The following CD82 variants were observed in gnomAD, a reference collection of about 807,000 sequenced individuals.
The protein encoded by CD82 is CD82 molecule.
A neutral mutation model predicts 37.4 loss-of-function variants in CD82; 36 were observed. The ratio of observed to expected loss-of-function variants is 0.96; its 90% confidence interval spans 0.74 to 1.27. The LOEUF is 1.27. Among genes scored for constraint, CD82 ranks in the 50% most tolerant of loss-of-function variants. The pLI, the probability that CD82 is intolerant of heterozygous loss-of-function variation, is 0.00. For synonymous variants in CD82, 158 were observed against 137.4 expected, an observed-to-expected ratio of 1.15 and a Z score of -1.05; for missense variants, 340 against 347.0, an observed-to-expected ratio of 0.98 and a Z score of 0.16.
intron 4 of CD82, among the ~76,000 whole-genome samples, chr11:44,603,725 G>C (rs1288320732): frequency 6.6e-6 from 1 of 152,188 alleles, no homozygotes; most frequent in African/African-American, 2.4e-5. Flanking sequence ...CCTGTGTGAT[G>C]GGTTGGGTGT....
At chr11:44,575,460 A>G (rs1189439486) in intron 1 of CD82, among the ~76,000 whole-genome samples, 1 of 152,196 alleles carries the variant, frequency 6.6e-6, no homozygotes, top group East Asian at 1.9e-4. Context: ...AAACTCTGAC[A>G]TGCATCAGTC....
intron 1 of CD82, among the ~76,000 whole-genome samples, chr11:44,570,220 G>A (rs1044263664): frequency 2.0e-5 from 3 of 152,200 alleles, no homozygotes; most frequent in Non-Finnish European, 4.4e-5. Flanking sequence ...GGGGCAGTAG[G>A]TCTGAACATC....
rs148893447 is a variant in CD82 at position 44,566,794 on chromosome 11, CT to C, written c.-103+1068del. Among the ~76,000 whole-genome samples the C allele has an allele frequency of 7.0e-3, 1,045 of 149,472 alleles. 12 individuals are homozygous for C. Among genetic ancestry groups the C allele is most frequent in the African/African-American group, 0.025 (1,000 of 40,804 alleles). On this transcript the variant is annotated intron_variant, in intron 1 of 9. Transcript: ENST00000227155. ...GGCTTGCTTCCTATGGGGAATGAGC[CT>C]TTTTTTTTTCTTGGAGAGATGGGGT...
chr11:44,600,014 G>T, intron 3 of CD82, 144 bp from the exon 4 acceptor site: 1 of 719,830 alleles, frequency 1.4e-6, no homozygotes, highest in Non-Finnish European at 2.4e-6. Context: ...AGGCCATCTG[G>T]ACATCTCTGG....
Position 44,619,112 on chromosome 11 carries a change from G to T in CD82, c.790G>T (p.Val264Phe), listed in dbSNP as rs781061734. 2 of 1,613,426 alleles carry T rather than the reference G, an allele frequency of 1.2e-6. No homozygotes were observed. The highest frequency in any genetic ancestry group is 2.2e-5 in the East Asian group (1 of 44,812). Residue 264 changes from valine to phenylalanine, a missense_variant, in exon 10 of 10, where the codon GTC (valine) becomes TTC (phenylalanine). Transcript: ENST00000227155. ...CGTCCATTCCGAAGACTACAGCAAGGTCCCCAAGTACTGAGGCAGCTGCTA... is the reference window on the plus strand; with the variant it reads ...CGTCCATTCCGAAGACTACAGCAAGTTCCCCAAGTACTGAGGCAGCTGCTA... ...RHVHSEDYSK[V>F]PKY
At chr11:44,579,116 A>G (rs564316977) in intron 1 of CD82, among the ~76,000 whole-genome samples, 17 of 152,292 alleles carry the variant, frequency 1.1e-4, no homozygotes, top group African/African-American at 4.1e-4. Context: ...CAGCCTGCTC[A>G]GGAATCACAT....
At chr11:44,579,046 G>A (rs751818679) in intron 1 of CD82, among the ~76,000 whole-genome samples, 1 of 152,142 alleles carries the variant, frequency 6.6e-6, no homozygotes, top group Non-Finnish European at 1.5e-5. Context: ...TCCTTAGGGG[G>A]CTCAGAATGG....
In CD82 at chr11:44,593,342, C is replaced by T. The variant is rs189085347; in HGVS notation, c.-20-1301C>T. Among the ~76,000 whole-genome samples the T allele has an allele frequency of 9.8e-4, 149 of 152,356 alleles. 1 individual carries two copies. The highest frequency in any genetic ancestry group is 3.4e-3 in the African/African-American group (142 of 41,584). On this transcript the variant is annotated intron_variant, in intron 2 of 9. Transcript: ENST00000227155. ...AGGGAAACACAAGTGGGCCTGGTGCCGTCCCCTCCACCCCCCCAGCCCAGC... is the reference window on the plus strand; with the variant it reads ...AGGGAAACACAAGTGGGCCTGGTGCTGTCCCCTCCACCCCCCCAGCCCAGC...
At chr11:44,600,368 C>T in intron 4 of CD82, 138 bp downstream of exon 4, 1 of 763,448 alleles carries the variant, frequency 1.3e-6, no homozygotes, top group Non-Finnish European at 2.2e-6. Context: ...TGGCGAGGTC[C>T]TGCTGCCCAC....
chr11:44,586,823 C>A (rs1853062308), intron 1 of CD82, among the ~76,000 whole-genome samples: 1 of 152,226 alleles, frequency 6.6e-6, no homozygotes, highest in African/African-American at 2.4e-5. Context: ...TTCTCTCCTG[C>A]TTCCTAAAAA....
Position 44,605,162 on chromosome 11 carries a change from G to A in CD82, c.241G>A (p.Val81Ile). 1 of 1,614,140 alleles carries A rather than the reference G, an allele frequency of 6.2e-7. No homozygotes were observed. Among genetic ancestry groups the A allele is most frequent in the Non-Finnish European group, 8.5e-7 (1 of 1,180,020 alleles). The stretch of plus-strand genomic sequence containing the variant: ...GGGCTGCATCGGCGCCGTCAACGAG[G>A]TCCGCTGCCTGCTGGGGCTGGTGAG... Reference protein sequence around the residue: ...FLGCIGAVNEVRCLLGLYFAF... With the variant: ...FLGCIGAVNEIRCLLGLYFAF... Residue 81 changes from valine (V) to isoleucine (I), a missense_variant, in exon 5 of 10, where the codon GTC becomes ATC. Coordinates refer to ENST00000227155, the MANE Select transcript of CD82 (RefSeq NM_002231.4).
intron 1 of CD82, among the ~76,000 whole-genome samples, chr11:44,579,790 C>T (rs565370031): frequency 1.3e-3 from 197 of 152,276 alleles, no homozygotes; most frequent in African/African-American, 4.5e-3. Flanking sequence ...CCCAGATCTC[C>T]GCAGTAGACC....
chr11:44,607,885 C>G (rs1259330186), intron 6 of CD82: 2 of 152,110 alleles, frequency 1.3e-5, no homozygotes, highest in African/African-American at 4.8e-5. Context: ...TCCTATCAGC[C>G]CCAGAACAGG....
chr11:44,580,053 G>T (rs999468350), intron 1 of CD82, among the ~76,000 whole-genome samples: 1 of 152,308 alleles, frequency 6.6e-6, no homozygotes, highest in East Asian at 1.9e-4. Context: ...AGAGACAGGT[G>T]AGGGAGAAGA....
At chr11:44,575,303 T>C (rs1250313126) in intron 1 of CD82, among the ~76,000 whole-genome samples, 2 of 152,264 alleles carry the variant, frequency 1.3e-5, no homozygotes, top group Non-Finnish European at 2.9e-5. Flanking sequence ...TGTCATTAAC[T>C]AATCATGGGC....
At chr11:44,596,847 C>T (rs1853234903) in intron 3 of CD82, 1 of 454,438 alleles carries the variant, frequency 2.2e-6, no homozygotes, top group Non-Finnish European at 4.4e-6. Context: ...AGCTTGTGTC[C>T]TAGGGAGCAG....
chr11:44,615,490 T>G (rs545264412), intron 7 of CD82, 117 bp downstream of exon 7: 191 of 677,754 alleles, frequency 2.8e-4, no homozygotes, highest in Non-Finnish European at 8.1e-6. Flanking sequence ...CCTGACAGTT[T>G]GTAGGAGAGT....
intron 6 of CD82, among the ~76,000 whole-genome samples, chr11:44,607,336 G>A (rs1853412716): frequency 6.6e-6 from 1 of 152,238 alleles, no homozygotes; most frequent in African/African-American, 2.4e-5. Context: ...TAGATGAAAA[G>A]CAGCTTGTTT....
intron 1 of CD82, among the ~76,000 whole-genome samples, chr11:44,570,397 G>A (rs1028523214): frequency 8.5e-5 from 13 of 152,224 alleles, no homozygotes; most frequent in South Asian, 4.1e-4. Flanking sequence ...GTTTCCATGA[G>A]CTCTCCTGGG....
Sources: gnomAD v4.1 joint callset for allele counts (sites outside exome capture counted in the v4.1 genomes callset) on GRCh38, gnomAD v4.1.1 for gene constraint, MANE v1.5 for transcripts, NCBI Gene and HGNC (gene_info 2026-07-23, HGNC 2026-07-21) for gene names.